Variants in S100PBP observed in about 807,000 individuals in gnomAD.
S100PBP encodes S100P binding protein, also known as S100P-binding protein.
S100PBP carries 15 observed loss-of-function variants against 39.9 expected under a neutral mutation model. That is an observed-to-expected ratio of 0.38 (90% CI 0.25 to 0.58). S100PBP has a LOEUF of 0.58. Among genes scored for constraint, S100PBP ranks in the 20% least tolerant of loss-of-function variants. The pLI, the probability that S100PBP is intolerant of heterozygous loss-of-function variation, is 0.70. For missense variants in S100PBP, 504 were observed against 487.3 expected (o/e 1.03, Z -0.32); for synonymous variants, 178 against 180.3 (o/e 0.99, Z 0.10).
rs939245095 is a variant in S100PBP, at chr1:32,825,293, A to G, written c.-119-20A>G. 2 of 152,280 alleles carry G rather than the reference A, an allele frequency of 1.3e-5. No homozygotes were observed. Among genetic ancestry groups the G allele is most frequent in the South Asian group, 2.1e-4 (1 of 4,818 alleles). 9.4% of individuals were successfully genotyped at this position (152,280 alleles called of 1,614,324 possible). On this transcript the variant is annotated intron_variant, in intron 1 of 6. Coordinates refer to ENST00000373475, the MANE Select transcript of S100PBP (RefSeq NM_022753.4). ...GTTGAAAGTGATGAGAAGATCCTCTAATTTTCTTTTTGCCTGCAGGAAGGT... is the reference window on the plus strand; with the variant it reads ...GTTGAAAGTGATGAGAAGATCCTCTGATTTTCTTTTTGCCTGCAGGAAGGT...
chr1:32,852,449 C>T (rs1640650406), intron 5 of S100PBP, among the ~76,000 whole-genome samples: 1 of 152,036 alleles, frequency 6.6e-6, no homozygotes, highest in South Asian at 2.1e-4. Flanking sequence ...TAGTACATTG[C>T]TAGGATCCCA....
rs756596472 is a variant in S100PBP, at chr1:32,835,247, A to AT, written c.1024+5187dup. On this transcript the variant is annotated intron_variant, in intron 5 of 6. Transcript: ENST00000373475. The stretch of plus-strand genomic sequence containing the variant: ...CTTTACTATTACTATAACCTCATGG[A>AT]TTTTTTTAAAGAATCAATATGTTGT... 26 of 152,218 alleles carry AT rather than the reference A, an allele frequency of 1.7e-4. No homozygotes were observed. In the East Asian group the frequency reaches 2.3e-3, roughly 14 times the overall value. The allele number at this position is 152,218 out of a possible 1,614,324, so 9.4% of individuals were successfully genotyped here.
chr1:32,850,121 T>C (rs534247929), intron 5 of S100PBP, among the ~76,000 whole-genome samples: 1 of 152,378 alleles, frequency 6.6e-6, no homozygotes, highest in African/African-American at 2.4e-5. Flanking sequence ...TGAATAGATA[T>C]GTTTTTAGAT....
At chr1:32,823,925 G>A (rs1284964704) in intron 1 of S100PBP, among the ~76,000 whole-genome samples, 1 of 152,248 alleles carries the variant, frequency 6.6e-6, no homozygotes, top group Non-Finnish European at 1.5e-5. Context: ...TAGGCTGGGT[G>A]CAGTGGCTCA....
At chr1:32,832,890 G>A (rs1639661974) in intron 5 of S100PBP, among the ~76,000 whole-genome samples, 1 of 151,972 alleles carries the variant, frequency 6.6e-6, no homozygotes, top group Admixed American at 6.6e-5. Context: ...TATCAATAAT[G>A]TATATATTAT....
chr1:32,848,681 A>G (rs982523631), intron 5 of S100PBP, among the ~76,000 whole-genome samples: 2 of 152,208 alleles, frequency 1.3e-5, no homozygotes, highest in African/African-American at 4.8e-5. Context: ...CATAGCAGGT[A>G]CTCAGCATTA....
intron 1 of S100PBP, chr1:32,818,076 T>C (rs965789078): frequency 1.3e-5 from 2 of 151,650 alleles, no homozygotes; most frequent in African/African-American, 4.9e-5. Context: ...GTCTCGCGGG[T>C]GGGGGCAGGA....
chr1:32,835,847 T>A (rs1463813860), intron 5 of S100PBP: 1 of 152,176 alleles, frequency 6.6e-6, no homozygotes, highest in African/African-American at 2.4e-5. Context: ...CCATTTTGTT[T>A]AATCCATTCA....
At chr1:32,822,417 A>G (rs1236868461) in intron 1 of S100PBP, among the ~76,000 whole-genome samples, 1 of 152,060 alleles carries the variant, frequency 6.6e-6, no homozygotes, top group Non-Finnish European at 1.5e-5. Context: ...GATCAAGACC[A>G]TCCTGGCTAA....
At chr1:32,817,527 C>T (rs113748028), upstream of S100PBP, 201 of 583,244 alleles carry the variant, frequency 3.4e-4, no homozygotes, top group African/African-American at 3.5e-3. Context: ...CACAACCCTC[C>T]TAGAGGCGGG....
chr1:32,843,523 C>T (rs891411730), intron 5 of S100PBP, among the ~76,000 whole-genome samples: 13 of 151,910 alleles, frequency 8.6e-5, no homozygotes, highest in Non-Finnish European at 1.8e-4. Flanking sequence ...ATGGCACAAT[C>T]TCGGCTCACG....
At chr1:32,819,376 T>C (rs943507738) in intron 1 of S100PBP, among the ~76,000 whole-genome samples, 3 of 152,160 alleles carry the variant, frequency 2.0e-5, no homozygotes, top group East Asian at 3.8e-4. Context: ...AAGACTAGAC[T>C]GGCCAACATA....
rs1175277500 is a variant in S100PBP at position 32,855,959 on chromosome 1, A to G, written c.1148A>G (p.Tyr383Cys). 1.2e-6 allele frequency: 2 copies of G among 1,613,728 alleles called. No homozygotes were observed. The highest frequency in any genetic ancestry group is 1.7e-6 in the Non-Finnish European group (2 of 1,179,726). ...CGCCGACAGAAACATCTGCAAAGAT[A>G]CAGTCTGACTCAGTGGGTTGACAGG... ...YARRQKHLQR[Y>C]SLTQWVDRNM... The change falls in exon 7 of 7, where the codon TAC becomes TGC. Residue 383 changes from tyrosine to cysteine, a missense_variant. Physicochemically the swap from Tyr to Cys is radical, Grantham distance 194. Transcript: ENST00000373475.
Position 32,826,433 on chromosome 1 carries a change from G to T in S100PBP, c.334G>T (p.Asp112Tyr). The stretch of plus-strand genomic sequence containing the variant: ...CCTGGGACCAGTAGCTGAGACTCCT[G>T]ACCTCTTCAAACTACCTCAGCTAAG... ...YSLGPVAETP[D>Y]LFKLPQLSTS... Residue 112 changes from aspartate (D) to tyrosine (Y), a missense_variant, in exon 3 of 7, where the codon GAC (aspartate) becomes TAC (tyrosine). Transcript: ENST00000373475. 2 of 1,614,046 alleles carry T rather than the reference G, an allele frequency of 1.2e-6. No homozygotes were observed. Among genetic ancestry groups the T allele is most frequent in the South Asian group, 1.1e-5 (1 of 91,046 alleles).
intron 5 of S100PBP, among the ~76,000 whole-genome samples, chr1:32,840,113 T>A (rs1640018376): frequency 1.3e-5 from 2 of 152,154 alleles, no homozygotes; most frequent in Admixed American, 1.3e-4. Context: ...GCCTCCTGAG[T>A]AGCTGGGATA....
chr1:32,824,066 C>T (rs536625273), intron 1 of S100PBP, among the ~76,000 whole-genome samples: 42 of 152,218 alleles, frequency 2.8e-4, no homozygotes, highest in Admixed American at 2.6e-4. Context: ...GGCGTGGTGG[C>T]GGTCACCTGT....
chr1:32,824,091 G>A (rs1382085683), intron 1 of S100PBP, among the ~76,000 whole-genome samples: 1 of 152,058 alleles, frequency 6.6e-6, no homozygotes, highest in Non-Finnish European at 1.5e-5. Flanking sequence ...CCAGCTACTC[G>A]GGAGGCTGAG....
chr1:32,856,877 G>A lies in S100PBP; in HGVS notation c.*839G>A, dbSNP rs1640834675. ...CCACTCTGCTCTTTAGGATTCTAGT[G>A]GCAGTATTCTTGTAACCTGTTAGAC... is the stretch of plus-strand genomic sequence containing the variant. On this transcript the variant is annotated 3_prime_UTR_variant, in exon 7 of 7. Coordinates refer to ENST00000373475, the MANE Select transcript of S100PBP (RefSeq NM_022753.4). 6.6e-6 allele frequency: 1 copy of A among 152,096 alleles called. No individual in the cohort carries two copies. Among genetic ancestry groups the A allele is most frequent in the Non-Finnish European group, 1.5e-5 (1 of 68,024 alleles). 9.4% of individuals were successfully genotyped at this position (152,096 alleles called of 1,614,324 possible).
intron 5 of S100PBP, among the ~76,000 whole-genome samples, chr1:32,834,681 T>C (rs909426812): frequency 6.6e-6 from 1 of 152,230 alleles, no homozygotes; most frequent in African/African-American, 2.4e-5. Flanking sequence ...GTCTTCCCAT[T>C]GTAAAGTACA....
Sources: gnomAD v4.1 joint callset for allele counts (sites outside exome capture counted in the v4.1 genomes callset) on GRCh38, gnomAD v4.1.1 for gene constraint, MANE v1.5 for transcripts, NCBI Gene and HGNC (gene_info 2026-07-23, HGNC 2026-07-21) for gene names.